Variants in ATP8A2 observed in about 807,000 individuals in gnomAD.
The protein encoded by ATP8A2 is ATPase phospholipid transporting 8A2, also known as phospholipid-transporting ATPase IB.
ATP8A2 carries 100 observed loss-of-function variants against 165.6 expected under a neutral mutation model. The ratio of observed to expected loss-of-function variants is 0.60; its 90% CI spans 0.51 to 0.71. ATP8A2 has a LOEUF of 0.71. ATP8A2 is among the 30% of genes least tolerant of loss of function. ATP8A2 has a pLI of 0.00. For synonymous variants in ATP8A2, 543 were observed against 548.8 expected (o/e 0.99, Z 0.15); for missense variants, 1,227 against 1,479.5 (o/e 0.83, Z 2.80).
At chr13:25,421,725 G>C (rs1476373263) in intron 1 of ATP8A2, among the ~76,000 whole-genome samples, 2 of 152,224 alleles carry the variant, frequency 1.3e-5, no homozygotes, top group East Asian at 3.8e-4. Flanking sequence ...ACTGGAAGTA[G>C]ACACTAGAGA....
chr13:25,561,178 T>C (rs66669323), intron 15 of ATP8A2, among the ~76,000 whole-genome samples: 44,640 of 152,042 alleles, frequency 0.29, 7,863 homozygotes, highest in Middle Eastern at 0.41. Context: ...TGGACATTCA[T>C]TGGACCACCA....
chr13:25,607,653 C>G (rs1416599646), intron 24 of ATP8A2, among the ~76,000 whole-genome samples: 2 of 152,160 alleles, frequency 1.3e-5, no homozygotes, highest in African/African-American at 2.4e-5. Context: ...GAAACTGACT[C>G]AATTCCAGTT....
At chr13:25,444,937 C>T (rs1378641893) in intron 1 of ATP8A2, among the ~76,000 whole-genome samples, 1 of 152,104 alleles carries the variant, frequency 6.6e-6, no homozygotes, top group Non-Finnish European at 1.5e-5. Context: ...CACACCCGGC[C>T]CCGAGCATCT....
intron 24 of ATP8A2, among the ~76,000 whole-genome samples, chr13:25,629,887 A>G (rs1449636087): frequency 6.6e-6 from 1 of 152,206 alleles, no homozygotes; most frequent in Non-Finnish European, 1.5e-5. Context: ...TGAGAGGGAA[A>G]GAGTAATATA....
At position 25,987,217 on chromosome 13, in the gene ATP8A2, C is replaced by T. The variant is rs114236480; in HGVS notation, c.3377+18538C>T. On this transcript the variant is annotated intron_variant, in intron 35 of 36. Coordinates refer to ENST00000381655, the MANE Select transcript of ATP8A2 (RefSeq NM_016529.6). ...ATAGCAGCCTCCCATCATTGGTTGCCGTAAATCTTTTCACTGACTGTGAGG... is the reference window on the plus strand; with the variant it reads ...ATAGCAGCCTCCCATCATTGGTTGCTGTAAATCTTTTCACTGACTGTGAGG... Among the ~76,000 whole-genome samples the T allele has an allele frequency of 2.4e-3, 368 of 152,118 alleles. 2 individuals are homozygous for T. The highest frequency in any genetic ancestry group is 8.3e-3 in the African/African-American group (343 of 41,494).
chr13:26,022,458 A>AG lies in ATP8A2; in HGVS notation c.*2475dup, dbSNP rs1957093967. 1 of 152,212 alleles carries AG rather than the reference A, an allele frequency of 6.6e-6. No individual in the cohort carries two copies. The highest frequency in any genetic ancestry group is 2.4e-5 in the African/African-American group (1 of 41,454). 9.4% of individuals were successfully genotyped at this position (152,212 alleles called of 1,614,324 possible). ...CATATTTTCTGGGATTTAAGGATAC[A>AG]GGTGTATTTTCCTATTCTCTTGAGA... is the stretch of plus-strand genomic sequence containing the variant. On this transcript the variant is annotated 3_prime_UTR_variant, in exon 37 of 37. Coordinates refer to ENST00000381655, the MANE Select transcript of ATP8A2 (RefSeq NM_016529.6).
At chr13:25,658,756 C>G (rs1016441932) in intron 24 of ATP8A2, among the ~76,000 whole-genome samples, 8 of 152,296 alleles carry the variant, frequency 5.3e-5, no homozygotes, top group Admixed American at 5.2e-4. Flanking sequence ...AAATCCAGAG[C>G]AAAACCATAC....
At chr13:25,956,588 GA>G (rs1174986232) in intron 33 of ATP8A2, among the ~76,000 whole-genome samples, 1 of 152,100 alleles carries the variant, frequency 6.6e-6, no homozygotes, top group African/African-American at 2.4e-5. Flanking sequence ...TCTTCAAGAA[GA>G]ACTACAAACC....
chr13:25,836,558 C>T (rs913069626), intron 28 of ATP8A2, among the ~76,000 whole-genome samples: 3 of 152,120 alleles, frequency 2.0e-5, no homozygotes, highest in Admixed American at 6.5e-5. Flanking sequence ...TGCAGAGCTC[C>T]GCGTTTTGTA....
chr13:25,596,210 T>C lies in ATP8A2; in HGVS notation c.2211+6511T>C, dbSNP rs547316026. Among the ~76,000 whole-genome samples the C allele has an allele frequency of 5.1e-4, 77 of 152,324 alleles. 1 individual carries two copies. The highest frequency in any genetic ancestry group is 1.5e-3 in the Admixed American group (23 of 15,300). ...TTGTATTATTTCTGCTCTAATGGTATATTTCAGTAGCTGCTTGATCTGCCA... is the reference window on the plus strand; with the variant it reads ...TTGTATTATTTCTGCTCTAATGGTACATTTCAGTAGCTGCTTGATCTGCCA... On this transcript the variant is annotated intron_variant, in intron 24 of 36. Transcript: ENST00000381655.
At chr13:25,429,813 C>T (rs150631231) in intron 1 of ATP8A2, among the ~76,000 whole-genome samples, 115 of 152,178 alleles carry the variant, frequency 7.6e-4, no homozygotes, top group African/African-American at 2.6e-3. Context: ...GGGCAGGGAG[C>T]GCTCTCCAGG....
chr13:25,722,277 T>G (rs1345455570), intron 25 of ATP8A2, among the ~76,000 whole-genome samples: 1 of 152,202 alleles, frequency 6.6e-6, no homozygotes, highest in East Asian at 1.9e-4. Context: ...TCTTCCTTGA[T>G]GGCAGTAGCT....
At chr13:25,714,297 C>T (rs2043211584) in intron 25 of ATP8A2, among the ~76,000 whole-genome samples, 1 of 152,068 alleles carries the variant, frequency 6.6e-6, no homozygotes, top group Non-Finnish European at 1.5e-5. Flanking sequence ...GCAGGCTTTG[C>T]CCCAGGACTA....
intron 1 of ATP8A2, among the ~76,000 whole-genome samples, chr13:25,449,584 T>G (rs1442423519): frequency 2.0e-5 from 3 of 152,228 alleles, no homozygotes; most frequent in African/African-American, 4.8e-5. Context: ...TTCAGAGTCT[T>G]GCTCACATCT....
rs1207053856 is a variant in ATP8A2 at position 26,020,533 on chromosome 13, T to C, written c.*548T>C. 1.3e-5 allele frequency: 2 copies of C among 152,984 alleles called. No homozygotes were observed. The highest frequency in any genetic ancestry group is 2.9e-5 in the Non-Finnish European group (2 of 68,570). 9.5% of individuals were successfully genotyped at this position (152,984 alleles called of 1,614,324 possible). A position where few individuals can be genotyped will look rare whatever the true frequency, so the allele number is the denominator to read the frequency against. The stretch of plus-strand genomic sequence containing the variant: ...TGCAGTGAAATCACAAAATTCTCTA[T>C]CGGGGTGGTCAACCTGAGAACATTT... On this transcript the variant is annotated 3_prime_UTR_variant, in exon 37 of 37. Coordinates refer to ENST00000381655, the MANE Select transcript of ATP8A2 (RefSeq NM_016529.6).
intron 18 of ATP8A2, among the ~76,000 whole-genome samples, chr13:25,572,527 C>T (rs894683567): frequency 3.9e-5 from 6 of 152,144 alleles, no homozygotes; most frequent in Non-Finnish European, 8.8e-5. Context: ...TCCTTACCTA[C>T]AGGCCAAAGG....
intron 35 of ATP8A2, among the ~76,000 whole-genome samples, chr13:25,983,230 T>C (rs1256095538): frequency 6.6e-6 from 1 of 152,174 alleles, no homozygotes; most frequent in African/African-American, 2.4e-5. Flanking sequence ...CTAAAACTGA[T>C]ATATATTCAG....
intron 35 of ATP8A2, among the ~76,000 whole-genome samples, chr13:25,996,135 C>T (rs1277241223): frequency 6.6e-6 from 1 of 151,920 alleles, no homozygotes; most frequent in African/African-American, 2.4e-5. Flanking sequence ...GTATCTTTTC[C>T]ATCATTTTCT....
Position 25,563,953 on chromosome 13 carries a change from C to T in ATP8A2, c.1398-3C>T, listed in dbSNP as rs1555299183. 7 of 1,605,806 alleles carry T rather than the reference C, an allele frequency of 4.4e-6. No homozygotes were observed. The highest frequency in any genetic ancestry group is 2.2e-5 in the East Asian group (1 of 44,824). On this transcript the variant is annotated splice_region_variant and splice_polypyrimidine_tract_variant and intron_variant, in intron 15 of 36. Transcript: ENST00000381655. ...AATAAATTTTCTCTGTTCTCTCTTA[C>T]AGTCGGATGCCTCCTCCCTGTAGTG...
Sources: allele counts gnomAD v4.1 joint callset (sites outside exome capture counted in the v4.1 genomes callset), GRCh38; gene constraint gnomAD v4.1.1; transcripts MANE v1.5; gene names NCBI Gene and HGNC (gene_info 2026-07-23, HGNC 2026-07-21).